WWOX: variants seen among roughly 807,000 people sequenced by gnomAD.
WWOX encodes WW domain-containing oxidoreductase.
Under a neutral mutation model 46.2 loss-of-function variants are expected in WWOX, and 69 were observed. The ratio of observed to expected loss-of-function variants is 1.49; its 90% CI spans 1.23 to 1.82. The LOEUF (loss-of-function observed/expected upper bound fraction) is 1.82. Ranked by LOEUF, WWOX falls within the 40% of genes most tolerant of loss-of-function variation. WWOX has a pLI of 0.00. For missense variants in WWOX, 919 were observed against 542.6 expected (o/e 1.69, Z -6.89); for synonymous variants, 359 against 202.6 (o/e 1.77, Z -6.56).
chr16:78,838,862 GA>G (rs2052062438), intron 8 of WWOX, among the ~76,000 whole-genome samples: 1 of 152,078 alleles, frequency 6.6e-6, no homozygotes, highest in African/African-American at 2.4e-5. Flanking sequence ...GAAAAGAGAA[GA>G]AAAGGAAAGA....
At chr16:78,189,124 C>T (rs926375097) in intron 5 of WWOX, among the ~76,000 whole-genome samples, 2 of 152,168 alleles carry the variant, frequency 1.3e-5, no homozygotes. Flanking sequence ...AGTTGCAAGA[C>T]ATGGGTTCAG....
intron 8 of WWOX, among the ~76,000 whole-genome samples, chr16:78,991,540 A>G (rs1252489470): frequency 2.8e-5 from 4 of 143,408 alleles, no homozygotes; most frequent in African/African-American, 5.1e-5. Flanking sequence ...ATTTGAGGCT[A>G]TAGTGAGCCA....
intron 8 of WWOX, among the ~76,000 whole-genome samples, chr16:79,064,672 T>A (rs936248894): frequency 6.6e-6 from 1 of 152,166 alleles, no homozygotes; most frequent in Non-Finnish European, 1.5e-5. Flanking sequence ...CCTGCAAGGA[T>A]TAAATGAGAG....
rs1350696720 is a variant in WWOX, at chr16:78,345,636, T to C, written c.517-41224T>C. ...GTCTGGGTGGCAGAGCAAGACCCTG[T>C]CTCAAAAAAAAAAAAAAAAAAAAAA... On this transcript the variant is annotated intron_variant, in intron 5 of 8. Transcript: ENST00000566780. 4.3e-5 allele frequency among the ~76,000 whole-genome samples: 2 copies of C among 46,860 alleles called. 1 individual carries two copies. Among genetic ancestry groups the C allele is most frequent in the Non-Finnish European group, 8.3e-5 (2 of 24,196 alleles). The allele number at this position is 46,860 out of a possible 152,430, so 30.7% of individuals were successfully genotyped here.
intron 8 of WWOX, chr16:78,551,451 T>G (rs1341999405): frequency 2.0e-5 from 3 of 152,200 alleles, no homozygotes; most frequent in Non-Finnish European, 4.4e-5. Context: ...TCTGGGAAAT[T>G]GGGACTCCCA....
At chr16:78,105,459 A>G (rs959615304) in intron 1 of WWOX, among the ~76,000 whole-genome samples, 27 of 62,570 alleles carry the variant, frequency 4.3e-4, no homozygotes, top group African/African-American at 1.8e-3. Context: ...ACTCTGTCTC[A>G]AAAAAAAAAA....
At chr16:79,006,732 C>G (rs1280102203) in intron 8 of WWOX, among the ~76,000 whole-genome samples, 2 of 152,142 alleles carry the variant, frequency 1.3e-5, no homozygotes, top group African/African-American at 4.8e-5. Flanking sequence ...AGCTTGTACC[C>G]TTGCGTCTTC....
intron 8 of WWOX, among the ~76,000 whole-genome samples, chr16:79,134,345 A>G (rs187214853): frequency 6.6e-6 from 1 of 152,196 alleles, no homozygotes; most frequent in East Asian, 1.9e-4. Context: ...TTTATTGGAG[A>G]AGATAAGAAA....
chr16:79,082,828 G>C (rs959580607), intron 8 of WWOX, among the ~76,000 whole-genome samples: 8 of 152,124 alleles, frequency 5.3e-5, no homozygotes, highest in African/African-American at 1.7e-4. Context: ...TTTATACCTT[G>C]TGTGTGCTTA....
At chr16:78,552,784 C>G (rs1351705877) in intron 8 of WWOX, 1 of 152,156 alleles carries the variant, frequency 6.6e-6, no homozygotes, top group Non-Finnish European at 1.5e-5. Flanking sequence ...TTTCTCCTTC[C>G]TTTCTCCCTC....
chr16:78,829,821 C>G (rs557771933), intron 8 of WWOX, among the ~76,000 whole-genome samples: 95 of 152,252 alleles, frequency 6.2e-4, no homozygotes, highest in African/African-American at 2.2e-3. Context: ...TCCAGAGCTC[C>G]TCCCTCCTGC....
intron 8 of WWOX, among the ~76,000 whole-genome samples, chr16:78,568,215 C>A (rs1163369424): frequency 1.3e-5 from 2 of 152,206 alleles, no homozygotes; most frequent in Non-Finnish European, 2.9e-5. Context: ...ATCGGCTGTG[C>A]ATAGTAACTG....
chr16:79,182,664 T>G (rs1018056570), intron 8 of WWOX, among the ~76,000 whole-genome samples: 4 of 152,210 alleles, frequency 2.6e-5, no homozygotes, highest in African/African-American at 9.6e-5. Context: ...TCTTGCAAGC[T>G]TGTGACACCG....
chr16:78,942,655 G>A (rs1301873470), intron 8 of WWOX, among the ~76,000 whole-genome samples: 3 of 152,186 alleles, frequency 2.0e-5, no homozygotes, highest in African/African-American at 7.2e-5. Flanking sequence ...GTGGCATGAA[G>A]AGAAAATGGA....
chr16:78,782,627 C>G (rs1175765685), intron 8 of WWOX, among the ~76,000 whole-genome samples: 1 of 151,442 alleles, frequency 6.6e-6, no homozygotes, highest in Non-Finnish European at 1.5e-5. Context: ...CTCCATTAAC[C>G]TTTTACCTTT....
intron 8 of WWOX, among the ~76,000 whole-genome samples, chr16:78,448,570 C>T (rs74872698): frequency 0.017 from 2,616 of 152,196 alleles, 86 homozygotes; most frequent in African/African-American, 0.06. Context: ...AAAGTAGTGT[C>T]AAGCAGTACA....
intron 8 of WWOX, among the ~76,000 whole-genome samples, chr16:78,675,106 T>G (rs761807537): frequency 2.0e-5 from 3 of 152,232 alleles, no homozygotes; most frequent in East Asian, 3.9e-4. Flanking sequence ...GCTGAATGTT[T>G]ACATAGATGA....
chr16:78,696,563 A>C (rs1197773014), intron 8 of WWOX, among the ~76,000 whole-genome samples: 1 of 152,158 alleles, frequency 6.6e-6, no homozygotes, highest in African/African-American at 2.4e-5. Flanking sequence ...CCCAGTGATC[A>C]CAAGGGCAAA....
chr16:78,603,182 G>A (rs530791131), intron 8 of WWOX, among the ~76,000 whole-genome samples: 6 of 152,274 alleles, frequency 3.9e-5, no homozygotes, highest in African/African-American at 1.4e-4. Flanking sequence ...TCTTCTAACA[G>A]CTTCTCTGCC....
Sources: allele counts gnomAD v4.1 joint callset (sites outside exome capture counted in the v4.1 genomes callset), GRCh38; gene constraint gnomAD v4.1.1; transcripts MANE v1.5; gene names NCBI Gene and HGNC (gene_info 2026-07-23, HGNC 2026-07-21).